DZIP1L: variants seen among roughly 807,000 people sequenced by gnomAD.
The protein encoded by DZIP1L is DAZ interacting zinc finger protein 1 like, also known as cilium assembly protein DZIP1L.
In DZIP1L, 90 loss-of-function variants were observed where a neutral mutation model predicts 88.7. The observed-to-expected ratio is 1.02, with a 90% CI of 0.86 to 1.21. The LOEUF is 1.21. Among genes scored for constraint, DZIP1L ranks in the 50% most tolerant of loss-of-function variants. DZIP1L has a pLI of 0.00. For missense variants in DZIP1L, 932 were observed against 955.8 expected, an observed-to-expected ratio of 0.98 and a Z score of 0.33; for synonymous variants, 363 against 372.1, an observed-to-expected ratio of 0.98 and a Z score of 0.28.
intron 2 of DZIP1L, chr3:138,102,744 A>G: frequency 1.3e-6 from 1 of 788,442 alleles, no homozygotes; most frequent in Non-Finnish European, 2.3e-6. Flanking sequence ...CTCCCATGCC[A>G]CTGGCCCCAC....
rs1247316787 is a variant in DZIP1L at position 138,063,764 on chromosome 3, CT to C, written c.2143-788del. On this transcript the variant is annotated intron_variant, in intron 15 of 15. Transcript: ENST00000327532. This position sits in a 1 kb window ranked among gnomAD's most constrained non-coding sequence, Gnocchi z 4.1. ...ATTTGGAAAAAGGAACAAGTTTTTT[CT>C]TTTCAATCATTTGGATGCATTACTC... Among the ~76,000 whole-genome samples the C allele has an allele frequency of 6.6e-6, 1 of 152,208 alleles. No individual in the cohort carries two copies. The highest frequency in any genetic ancestry group is 1.5e-5 in the Non-Finnish European group (1 of 68,034).
intron 12 of DZIP1L, chr3:138,069,114 C>T: frequency 1.2e-6 from 1 of 802,070 alleles, no homozygotes; most frequent in Non-Finnish European, 2.0e-6. Context: ...TCCGACTCTG[C>T]CACCCGTGAG....
intron 12 of DZIP1L, among the ~76,000 whole-genome samples, chr3:138,069,440 G>A (rs1476892148): frequency 2.0e-5 from 3 of 152,234 alleles, no homozygotes; most frequent in Middle Eastern, 3.4e-3. Flanking sequence ...AACTGCATGG[G>A]GGGTTTGCGC....
intron 3 of DZIP1L, among the ~76,000 whole-genome samples, chr3:138,096,603 T>C (rs1944477070): frequency 6.6e-6 from 1 of 152,190 alleles, no homozygotes; most frequent in African/African-American, 2.4e-5. Context: ...CCATCCATGG[T>C]TTTTATTTTC....
intron 7 of DZIP1L, 126 bp from the exon 8 acceptor site, chr3:138,084,379 A>G (rs1943825783): frequency 7.7e-7 from 1 of 1,294,954 alleles, no homozygotes; most frequent in Non-Finnish European, 1.0e-6. Flanking sequence ...AGACCTGGAC[A>G]GGCTTTCTAA....
intron 1 of DZIP1L, among the ~76,000 whole-genome samples, chr3:138,109,433 C>G (rs1326543927): frequency 6.6e-6 from 1 of 152,180 alleles, no homozygotes; most frequent in Non-Finnish European, 1.5e-5. Context: ...ATAGATGGTC[C>G]TTTGCCACCT....
intron 1 of DZIP1L, among the ~76,000 whole-genome samples, chr3:138,104,598 C>T (rs544503275): frequency 2.6e-5 from 4 of 152,332 alleles, no homozygotes; most frequent in South Asian, 2.1e-4. Flanking sequence ...TAATGGAACA[C>T]GAGTGAACTA....
Position 138,067,401 on chromosome 3 carries a change from A to G in DZIP1L, c.2002+130T>C, listed in dbSNP as rs1190130704. ...AGGAGGACCATCCTTTCCAAGCCAA[A>G]TAGAGAAAGAGATGTCAAATAAGAA... On this transcript the variant is annotated intron_variant, in intron 14 of 15. Transcript: ENST00000327532. The G allele has an allele frequency of 4.6e-6, 5 of 1,093,404 alleles. No individual in the cohort carries two copies. The African/African-American group carries it at 8.2e-5, about 18-fold the overall frequency. 67.7% of individuals were successfully genotyped at this position (1,093,404 alleles called of 1,614,324 possible). A position where few individuals can be genotyped will look rare whatever the true frequency, so the allele number is the denominator to read the frequency against.
intron 4 of DZIP1L, among the ~76,000 whole-genome samples, chr3:138,093,540 A>C (rs947101307): frequency 4.6e-5 from 7 of 152,336 alleles, no homozygotes; most frequent in African/African-American, 1.7e-4. Flanking sequence ...AGGCTATAAA[A>C]GTTCTAGATG....
chr3:138,070,991 TCCACCAGAA>T (rs976543811), intron 12 of DZIP1L, among the ~76,000 whole-genome samples: 4 of 152,186 alleles, frequency 2.6e-5, no homozygotes, highest in African/African-American at 9.7e-5. Flanking sequence ...AATTTCGTGT[TCCACCAGAA>T]CCACAGGGCC....
intron 2 of DZIP1L, among the ~76,000 whole-genome samples, chr3:138,100,106 T>C (rs1944664579): frequency 6.6e-6 from 1 of 151,858 alleles, no homozygotes; most frequent in Admixed American, 6.6e-5. Flanking sequence ...GGATGGGGGT[T>C]GGTCACCAGA....
rs1017484889 is a variant in DZIP1L at position 138,080,448 on chromosome 3, G to A, written c.1288+119C>T. On this transcript the variant is annotated intron_variant, in intron 10 of 15. Coordinates refer to ENST00000327532, the MANE Select transcript of DZIP1L (RefSeq NM_173543.3). Reference sequence around the variant, plus strand: ...TAAGAAATATTATTTCATGTCCTTAGATCCCTCCACTCCAGCTTCGGATGT... The same window carrying A: ...TAAGAAATATTATTTCATGTCCTTAAATCCCTCCACTCCAGCTTCGGATGT... 3 of 1,066,288 alleles carry A rather than the reference G, an allele frequency of 2.8e-6. No homozygotes were observed. In the African/African-American group the frequency reaches 4.7e-5, roughly 17 times the overall value. The allele number at this position is 1,066,288 out of a possible 1,614,324, so 66.1% of individuals were successfully genotyped here. A position where few individuals can be genotyped will look rare whatever the true frequency, so the allele number is the denominator to read the frequency against.
intron 7 of DZIP1L, among the ~76,000 whole-genome samples, chr3:138,084,694 G>A (rs1366631568): frequency 6.6e-6 from 1 of 152,204 alleles, no homozygotes; most frequent in Non-Finnish European, 1.5e-5. Context: ...TGAGCAGTAG[G>A]TGTTGGAGAC....
rs142124047 is a variant in DZIP1L, at chr3:138,081,371, T to C, written c.1234+363A>G. ...GGGGTTGGGGTCAACTTGCTGAACA[T>C]TGGGAACAAGGTAAAAGTTGCTGGC... On this transcript the variant is annotated intron_variant, in intron 9 of 15. Coordinates refer to ENST00000327532, the MANE Select transcript of DZIP1L (RefSeq NM_173543.3). 6.0e-3 allele frequency among the ~76,000 whole-genome samples: 918 copies of C among 152,248 alleles called. 10 individuals are homozygous for C. The highest frequency in any genetic ancestry group is 0.021 in the African/African-American group (886 of 41,526).
intron 7 of DZIP1L, 45 bp from the exon 8 acceptor site, chr3:138,084,298 A>G: frequency 2.5e-6 from 4 of 1,596,512 alleles, no homozygotes; most frequent in Non-Finnish European, 3.4e-6. Flanking sequence ...CTGCAGGGAC[A>G]TCTTAGTGCC....
intron 1 of DZIP1L, among the ~76,000 whole-genome samples, chr3:138,108,347 C>T (rs2042553459): frequency 6.6e-6 from 1 of 152,048 alleles, no homozygotes; most frequent in Non-Finnish European, 1.5e-5. Context: ...CAGGTGAGCT[C>T]ACCTGAGAAC....
chr3:138,107,177 C>G (rs1455718185), intron 1 of DZIP1L, among the ~76,000 whole-genome samples: 1 of 152,176 alleles, frequency 6.6e-6, no homozygotes, highest in Non-Finnish European at 1.5e-5. Flanking sequence ...CCCCAAAGGT[C>G]ATATGTTGAA....
At chr3:138,064,851 G>C in intron 14 of DZIP1L, 84 bp from the exon 15 acceptor site, 3 of 1,517,816 alleles carry the variant, frequency 2.0e-6, no homozygotes, top group Non-Finnish European at 2.6e-6. Flanking sequence ...CCAGGCTCCA[G>C]TGTGGATAGA....
intron 1 of DZIP1L, among the ~76,000 whole-genome samples, chr3:138,106,917 C>T (rs891860649): frequency 6.6e-6 from 1 of 151,832 alleles, no homozygotes; most frequent in Admixed American, 6.6e-5. Context: ...CCAGGAACAG[C>T]CCCTGACCCC....
Sources: gnomAD v4.1 joint callset for allele counts (sites outside exome capture counted in the v4.1 genomes callset) on GRCh38, gnomAD v4.1.1 for gene constraint, Gnocchi (gnomAD v3.1) non-coding constraint, MANE v1.5 for transcripts, NCBI Gene and HGNC (gene_info 2026-07-23, HGNC 2026-07-21) for gene names.